The following MAD1L1 variants were observed in gnomAD, a reference collection of about 807,000 sequenced individuals.
MAD1L1 encodes mitotic spindle assembly checkpoint protein MAD1.
In MAD1L1, 95 loss-of-function variants were observed where a neutral mutation model predicts 96.9. The observed-to-expected ratio is 0.98, with a 90% CI of 0.83 to 1.16. The LOEUF (loss-of-function observed/expected upper bound fraction) is 1.16, where lower values mean the gene tolerates loss of function less well. MAD1L1 is among the 50% of genes most tolerant of loss of function. The pLI, the probability that MAD1L1 is intolerant of heterozygous loss-of-function variation, is 0.00. For missense variants in MAD1L1, 1,007 were observed against 954.4 expected, an observed-to-expected ratio of 1.06 and a Z score of -0.73; for synonymous variants, 473 against 396.6, an observed-to-expected ratio of 1.19 and a Z score of -2.29.
chr7:2,076,455 C>G (rs1785378249), intron 11 of MAD1L1, among the ~76,000 whole-genome samples: 1 of 152,260 alleles, frequency 6.6e-6, no homozygotes, highest in Non-Finnish European at 1.5e-5. Flanking sequence ...ATCCTGCACT[C>G]CTCAGCTCCA....
chr7:1,955,157 C>A (rs1562559250), intron 16 of MAD1L1, among the ~76,000 whole-genome samples: 1 of 152,248 alleles, frequency 6.6e-6, no homozygotes, highest in Non-Finnish European at 1.5e-5. Context: ...ACTAGTCAAG[C>A]CCCTCTCCAA....
Position 1,939,008 on chromosome 7 carries a change from C to T in MAD1L1, c.1597-2111G>A, listed in dbSNP as rs556542155. Among the ~76,000 whole-genome samples the T allele has an allele frequency of 4.2e-3, 538 of 127,026 alleles. 3 individuals carry two copies. Among genetic ancestry groups the T allele is most frequent in the African/African-American group, 0.015 (508 of 34,384 alleles). 83.3% of individuals were successfully genotyped at this position (127,026 alleles called of 152,430 possible). On this transcript the variant is annotated intron_variant, in intron 16 of 18. Transcript: ENST00000265854. ...AGAGGCGCACACACACGCACACACA[C>T]ACACACACACACACATGGGCCAGGG...
At chr7:1,820,298 G>A (rs935038666) in intron 18 of MAD1L1, among the ~76,000 whole-genome samples, 38 of 152,076 alleles carry the variant, frequency 2.5e-4, no homozygotes, top group African/African-American at 8.0e-4. Context: ...AGAGGGAAAC[G>A]GACAGCACTC....
At chr7:2,104,166 C>T (rs1001450494) in intron 11 of MAD1L1, among the ~76,000 whole-genome samples, 1 of 152,178 alleles carries the variant, frequency 6.6e-6, no homozygotes, top group African/African-American at 2.4e-5. Flanking sequence ...CAGGCTGGGC[C>T]TCCATTTGGG....
chr7:1,906,911 C>A (rs989205865), intron 17 of MAD1L1, among the ~76,000 whole-genome samples: 3 of 152,224 alleles, frequency 2.0e-5, no homozygotes, highest in Non-Finnish European at 2.9e-5. Flanking sequence ...AACACGTGTG[C>A]GTCTGTCCCT....
intron 17 of MAD1L1, among the ~76,000 whole-genome samples, chr7:1,902,466 A>C (rs1787304184): frequency 6.6e-6 from 1 of 152,196 alleles, no homozygotes; most frequent in South Asian, 2.1e-4. Flanking sequence ...GGGAAAAGGA[A>C]AACGCGGTAC....
chr7:2,223,647 G>C (rs922680034), intron 4 of MAD1L1: 4 of 152,286 alleles, frequency 2.6e-5, no homozygotes, highest in Non-Finnish European at 4.4e-5. Context: ...ACCTCGGAGG[G>C]ACTCCAGCCC....
In MAD1L1 at chr7:2,040,141, C is replaced by T. The variant is rs544593247; in HGVS notation, c.1219-25499G>A. Among the ~76,000 whole-genome samples the T allele has an allele frequency of 3.9e-5, 6 of 152,128 alleles. No individual in the cohort carries two copies. In the East Asian group the frequency reaches 5.8e-4, roughly 15 times the overall value. ...AGGAATACTACGAACAGCTGCATGC[C>T]GAAAATTAATAACGGAGGTGAAATG... On this transcript the variant is annotated intron_variant, in intron 12 of 18. Coordinates refer to ENST00000265854, the MANE Select transcript of MAD1L1 (RefSeq NM_001013836.2).
At chr7:1,867,343 A>ACC (rs538910046) in intron 18 of MAD1L1, among the ~76,000 whole-genome samples, 4,932 of 151,694 alleles carry the variant, frequency 0.033, 264 homozygotes, top group African/African-American at 0.11. Flanking sequence ...CCTCCGCAGG[A>ACC]CCCCCCCGGA....
At chr7:2,222,007 C>T (rs1211236442) in intron 5 of MAD1L1, among the ~76,000 whole-genome samples, 3 of 151,746 alleles carry the variant, frequency 2.0e-5, no homozygotes, top group Non-Finnish European at 4.4e-5. Flanking sequence ...ACTAAACGTC[C>T]ACAAACAACA....
At chr7:2,058,657 T>C (rs1302046227) in intron 12 of MAD1L1, among the ~76,000 whole-genome samples, 1 of 71,332 alleles carries the variant, frequency 1.4e-5, no homozygotes, top group Non-Finnish European at 2.6e-5. Context: ...GGAGAGGGAG[T>C]GTGGCCAGAG....
chr7:1,855,235 A>C (rs1372439028), intron 18 of MAD1L1, among the ~76,000 whole-genome samples: 1 of 152,060 alleles, frequency 6.6e-6, no homozygotes, highest in Non-Finnish European at 1.5e-5. Context: ...CCGCAGTGGC[A>C]GACGGGGCCT....
intron 18 of MAD1L1, among the ~76,000 whole-genome samples, chr7:1,843,218 T>C (rs1783381008): frequency 6.6e-6 from 1 of 152,230 alleles, no homozygotes; most frequent in Non-Finnish European, 1.5e-5. Flanking sequence ...CCTTGAACCC[T>C]GCAGAATGAT....
chr7:2,027,224 T>C (rs891255877), intron 12 of MAD1L1, among the ~76,000 whole-genome samples: 7 of 152,174 alleles, frequency 4.6e-5, no homozygotes, highest in African/African-American at 1.7e-4. Context: ...ATTTAAAATC[T>C]TGTAAACAAG....
chr7:2,057,933 T>A (rs1784448654), intron 12 of MAD1L1, among the ~76,000 whole-genome samples: 1 of 151,922 alleles, frequency 6.6e-6, no homozygotes, highest in Non-Finnish European at 1.5e-5. Context: ...ACACTGCACC[T>A]GGAGGAAAGG....
intron 18 of MAD1L1, among the ~76,000 whole-genome samples, chr7:1,883,291 T>C (rs1000353303): frequency 6.6e-6 from 1 of 152,134 alleles, no homozygotes; most frequent in East Asian, 1.9e-4. Flanking sequence ...TCCCCCACCA[T>C]GAGCTCCTTA....
chr7:2,179,886 G>A (rs959822809), intron 10 of MAD1L1, among the ~76,000 whole-genome samples: 3 of 151,314 alleles, frequency 2.0e-5, no homozygotes, highest in South Asian at 2.1e-4. Flanking sequence ...CAAGAGAATC[G>A]CTTGAACCTG....
chr7:2,159,482 C>G (rs1477806372), intron 10 of MAD1L1, among the ~76,000 whole-genome samples: 2 of 152,250 alleles, frequency 1.3e-5, no homozygotes, highest in African/African-American at 4.8e-5. Context: ...CACAGAACAC[C>G]ACCAGCTGAG....
chr7:1,867,348 C>CG (rs1014467018), intron 18 of MAD1L1, among the ~76,000 whole-genome samples: 2 of 152,124 alleles, frequency 1.3e-5, no homozygotes, highest in Non-Finnish European at 2.9e-5. Context: ...GCAGGACCCC[C>CG]CCGGAAGATG....
Sources: gnomAD v4.1 joint callset for allele counts (sites outside exome capture counted in the v4.1 genomes callset) on GRCh38, gnomAD v4.1.1 for gene constraint, MANE v1.5 for transcripts, NCBI Gene and HGNC (gene_info 2026-07-23, HGNC 2026-07-21) for gene names.